Variants in NRDC observed in about 807,000 individuals in gnomAD.
NRDC encodes nardilysin convertase.
In NRDC, 54 loss-of-function variants were observed where a neutral mutation model predicts 147.1. The ratio of observed to expected loss-of-function variants is 0.37; its 90% CI spans 0.29 to 0.46. The LOEUF (loss-of-function observed/expected upper bound fraction) is 0.46, where lower values mean the gene tolerates loss of function less well. NRDC is among the 20% of genes least tolerant of loss of function. The pLI, the probability that NRDC is intolerant of heterozygous loss-of-function variation, is 1.00. For synonymous variants in NRDC, 440 were observed against 482.1 expected (o/e 0.91, Z 1.14); for missense variants, 1,082 against 1,370.6 (o/e 0.79, Z 3.33).
chr1:51,849,440 AC>A (rs1361917562), intron 1 of NRDC, among the ~76,000 whole-genome samples: 2 of 151,810 alleles, frequency 1.3e-5, no homozygotes, highest in Non-Finnish European at 2.9e-5. Flanking sequence ...AACAAAAAAA[AC>A]CCAACAAGAT....
chr1:51,843,993 T>C (rs1032382695), intron 1 of NRDC, among the ~76,000 whole-genome samples: 4 of 152,178 alleles, frequency 2.6e-5, no homozygotes, highest in African/African-American at 9.7e-5. Flanking sequence ...AATAATCCTA[T>C]GCATTCTACT....
intron 1 of NRDC, among the ~76,000 whole-genome samples, chr1:51,848,512 A>G (rs1681771835): frequency 6.6e-6 from 1 of 152,120 alleles, no homozygotes; most frequent in Non-Finnish European, 1.5e-5. Context: ...TAAGGTACAA[A>G]TATCGAAAGC....
intron 17 of NRDC, 95 bp from the exon 18 acceptor site, chr1:51,807,008 G>A (rs1244280653): frequency 9.6e-6 from 14 of 1,464,580 alleles, no homozygotes; most frequent in South Asian, 1.4e-5. Flanking sequence ...ACTTTTCTCT[G>A]TGGCAAAAAT....
At chr1:51,790,730 G>A (rs986830832) in intron 28 of NRDC, 81 bp from the exon 29 acceptor site, 55 of 1,065,498 alleles carry the variant, frequency 5.2e-5, no homozygotes, top group Non-Finnish European at 7.0e-5. Context: ...GTCCAGCCCG[G>A]CTTGTGATGG....
chr1:51,836,545 T>C, intron 2 of NRDC: 3 of 913,654 alleles, frequency 3.3e-6, no homozygotes, highest in Non-Finnish European at 5.1e-6. Flanking sequence ...CCAAGTTTTT[T>C]CCCTGAATTA....
chr1:51,869,447 C>G (rs376325158), intron 1 of NRDC, among the ~76,000 whole-genome samples: 2 of 152,042 alleles, frequency 1.3e-5, no homozygotes, highest in Non-Finnish European at 2.9e-5. Flanking sequence ...TATATGAATA[C>G]GTGAAAAACT....
chr1:51,793,248 A>C (rs1424962699), intron 24 of NRDC, among the ~76,000 whole-genome samples: 1 of 152,218 alleles, frequency 6.6e-6, no homozygotes, highest in Admixed American at 6.5e-5. Context: ...CTATAAACAT[A>C]GTCTTACAAT....
chr1:51,847,782 C>T (rs1681725524), intron 1 of NRDC, among the ~76,000 whole-genome samples: 1 of 152,220 alleles, frequency 6.6e-6, no homozygotes, highest in Non-Finnish European at 1.5e-5. Flanking sequence ...AGGGAGCCGG[C>T]TCCAGCCTCC....
chr1:51,812,223 C>G, intron 14 of NRDC, 125 bp from the exon 15 acceptor site: 1 of 634,358 alleles, frequency 1.6e-6, no homozygotes, highest in South Asian at 2.2e-5. Flanking sequence ...ACAGATACAA[C>G]GAGATATAAT....
In NRDC at chr1:51,836,317, G is replaced by A. The variant is rs1257824204; in HGVS notation, c.631-105C>T. The stretch of plus-strand genomic sequence containing the variant: ...TGGAGATGGATGTTTTCCAATAGGA[G>A]TAACAAAATTCTTTCCCTGAGAATC... On this transcript the variant is annotated intron_variant, in intron 2 of 30. Coordinates refer to ENST00000352171, the MANE Select transcript of NRDC (RefSeq NM_001101662.2). 3 of 1,589,258 alleles carry A rather than the reference G, an allele frequency of 1.9e-6. No individual in the cohort carries two copies. The South Asian group carries it at 3.3e-5, about 18-fold the overall frequency.
In NRDC at chr1:51,840,393, CTT is replaced by C. The variant is rs1369722526; in HGVS notation, c.461_462del (p.Glu154GlyfsTer2). On this transcript the variant is annotated frameshift_variant, in exon 2 of 31. Transcript: ENST00000352171. LOFTEE classifies it high-confidence loss of function. ...TCAGCTCCAGAATCTTCATCATCATCTTCTTCTTCTTCCTCCACCTCCTCTTC... is the reference window on the plus strand; with the variant it reads ...TCAGCTCCAGAATCTTCATCATCATCCTTCTTCTTCCTCCACCTCCTCTTC... ...EEEEEVEEEEEDDDEDSGAEI... is the reference protein window; with the variant it reads ...EEEEEVEEEEXDDDEDSGAEI... The C allele has an allele frequency of 8.7e-6, 3 of 345,534 alleles. No individual in the cohort carries two copies. The highest frequency in any genetic ancestry group is 1.2e-5 in the Non-Finnish European group (3 of 250,022). 21.4% of individuals were successfully genotyped at this position (345,534 alleles called of 1,614,324 possible). A position where few individuals can be genotyped will look rare whatever the true frequency, so the allele number is the denominator to read the frequency against.
chr1:51,792,191 C>G, intron 25 of NRDC, 93 bp from the exon 26 acceptor site: 1 of 1,535,130 alleles, frequency 6.5e-7, no homozygotes, highest in Non-Finnish European at 9.0e-7. Flanking sequence ...CTCCCAAGTC[C>G]AGCCTCCCTT....
At chr1:51,871,627 T>G (rs1024338417) in intron 1 of NRDC, among the ~76,000 whole-genome samples, 2 of 149,348 alleles carry the variant, frequency 1.3e-5, no homozygotes, top group Non-Finnish European at 3.0e-5. Context: ...CTTATGAAGA[T>G]CCTTAGCCTT....
intron 1 of NRDC, among the ~76,000 whole-genome samples, chr1:51,854,351 G>T (rs1249192956): frequency 6.6e-6 from 1 of 152,148 alleles, no homozygotes; most frequent in African/African-American, 2.4e-5. Context: ...CTGGGCGACA[G>T]AGCAAGATGC....
At chr1:51,847,273 G>A (rs1681686309) in intron 1 of NRDC, among the ~76,000 whole-genome samples, 1 of 152,222 alleles carries the variant, frequency 6.6e-6, no homozygotes, top group Non-Finnish European at 1.5e-5. Flanking sequence ...AGACATAAAG[G>A]TTCTCCGAGT....
intron 4 of NRDC, 69 bp from the exon 5 acceptor site, chr1:51,827,938 T>C: frequency 8.6e-7 from 1 of 1,166,084 alleles, no homozygotes; most frequent in Non-Finnish European, 1.3e-6. Flanking sequence ...ATTATTTTAA[T>C]TAAGAAACTT....
intron 1 of NRDC, among the ~76,000 whole-genome samples, chr1:51,861,359 T>C (rs1279846389): frequency 6.8e-6 from 1 of 147,684 alleles, no homozygotes; most frequent in Admixed American, 6.7e-5. Context: ...AGACAAAGTC[T>C]TGCTCTGTTG....
intron 9 of NRDC, among the ~76,000 whole-genome samples, chr1:51,819,200 G>A (rs531105656): frequency 6.6e-6 from 1 of 151,946 alleles, no homozygotes; most frequent in Non-Finnish European, 1.5e-5. Flanking sequence ...CACTCAGCAG[G>A]CTGAGGCAGG....
chr1:51,790,123 A>C (rs1420156201), intron 29 of NRDC, among the ~76,000 whole-genome samples: 1 of 152,244 alleles, frequency 6.6e-6, no homozygotes, highest in South Asian at 2.1e-4. Flanking sequence ...GTCACACTGG[A>C]GTACAAGATC....
Sources: allele counts gnomAD v4.1 joint callset (sites outside exome capture counted in the v4.1 genomes callset), GRCh38; gene constraint gnomAD v4.1.1; transcripts MANE v1.5; gene names NCBI Gene and HGNC (gene_info 2026-07-23, HGNC 2026-07-21).